PTPN14: variants seen among roughly 807,000 people sequenced by gnomAD.
The protein encoded by PTPN14 is tyrosine-protein phosphatase non-receptor type 14.
Under a neutral mutation model 126.8 loss-of-function variants are expected in PTPN14, and 53 were observed. The ratio of observed to expected loss-of-function variants is 0.42; its 90% CI spans 0.34 to 0.53. The LOEUF is 0.53. Among genes scored for constraint, PTPN14 ranks in the 20% least tolerant of loss-of-function variants. The pLI is 0.08. For missense variants in PTPN14, 1,257 were observed against 1,552.9 expected, an observed-to-expected ratio of 0.81 and a Z score of 3.20; for synonymous variants, 630 against 599.3, an observed-to-expected ratio of 1.05 and a Z score of -0.75.
intron 2 of PTPN14, among the ~76,000 whole-genome samples, chr1:214,462,202 C>G (rs1660528778): frequency 6.6e-6 from 1 of 152,162 alleles, no homozygotes; most frequent in Non-Finnish European, 1.5e-5. Flanking sequence ...ACAAACCCCA[C>G]CTCAGCAATG....
chr1:214,490,848 AGGAAG>A (rs1397442955), intron 1 of PTPN14, among the ~76,000 whole-genome samples: 2 of 32,650 alleles, frequency 6.1e-5, no homozygotes, highest in African/African-American at 1.3e-4. Flanking sequence ...AGGAAAGGAA[AGGAAG>A]GGAAGGGAGG....
At chr1:214,438,052 A>C (rs1013684445) in intron 3 of PTPN14, among the ~76,000 whole-genome samples, 3 of 152,204 alleles carry the variant, frequency 2.0e-5, no homozygotes, top group African/African-American at 7.2e-5. Context: ...CCAATGTCTT[A>C]TTTTTATTTT....
chr1:214,360,468 T>G (rs1439253751), intron 18 of PTPN14, among the ~76,000 whole-genome samples: 1 of 152,228 alleles, frequency 6.6e-6, no homozygotes, highest in Non-Finnish European at 1.5e-5. Context: ...CAGTAACAAG[T>G]AGGTCTCTGC....
intron 1 of PTPN14, among the ~76,000 whole-genome samples, chr1:214,474,964 A>T (rs1440431673): frequency 6.6e-6 from 1 of 152,194 alleles, no homozygotes; most frequent in Non-Finnish European, 1.5e-5. Flanking sequence ...CATCTTGAAT[A>T]CTTATGGATA....
At position 214,414,736 on chromosome 1, in the gene PTPN14, G is replaced by A; in HGVS notation, c.345-10C>T. 6.3e-7 allele frequency: 1 copy of A among 1,592,544 alleles called. No homozygotes were observed. The highest frequency in any genetic ancestry group is 1.1e-5 in the South Asian group (1 of 90,670). ...CAGGTAATACTGATATCTGTTCATG[G>A]GAATAGAGGAACAAACAACCTTAAA... On this transcript the variant is annotated splice_polypyrimidine_tract_variant and intron_variant, in intron 3 of 18. Transcript: ENST00000366956.
At chr1:214,457,685 A>G (rs1660413451) in intron 2 of PTPN14, among the ~76,000 whole-genome samples, 1 of 152,220 alleles carries the variant, frequency 6.6e-6, no homozygotes, top group South Asian at 2.1e-4. Context: ...TAGAAGCCAC[A>G]TTGATTTAAA....
intron 7 of PTPN14, 96 bp downstream of exon 7, chr1:214,401,589 G>T: frequency 9.2e-7 from 1 of 1,081,542 alleles, no homozygotes; most frequent in Non-Finnish European, 1.3e-6. Context: ...CAAAAAGAAG[G>T]CCAAGCCATT....
At chr1:214,370,477 A>G (rs531513352) in intron 16 of PTPN14, among the ~76,000 whole-genome samples, 5 of 152,168 alleles carry the variant, frequency 3.3e-5, no homozygotes, top group Non-Finnish European at 7.4e-5. Flanking sequence ...CAATCGCTGT[A>G]GGTCACGTTA....
intron 8 of PTPN14, among the ~76,000 whole-genome samples, chr1:214,397,203 C>T (rs996650116): frequency 7.2e-5 from 11 of 152,178 alleles, no homozygotes; most frequent in Non-Finnish European, 1.3e-4. Flanking sequence ...TGCTTGCCTC[C>T]AAGAGCTATC....
chr1:214,548,784 A>T (rs1015994578), intron 1 of PTPN14, among the ~76,000 whole-genome samples: 1 of 152,220 alleles, frequency 6.6e-6, no homozygotes, highest in African/African-American at 2.4e-5. Context: ...GTTCAGGGCA[A>T]ATAAGAATTA....
chr1:214,391,715 A>AAC (rs1553261395), intron 10 of PTPN14, among the ~76,000 whole-genome samples: 2 of 151,424 alleles, frequency 1.3e-5, no homozygotes, highest in East Asian at 1.9e-4. Flanking sequence ...AAAAAAAAAA[A>AAC]AAAAACCCAG....
At chr1:214,382,371 G>C (rs770191593) in intron 13 of PTPN14, among the ~76,000 whole-genome samples, 1 of 152,146 alleles carries the variant, frequency 6.6e-6, no homozygotes. Context: ...ATCCAGGCTG[G>C]AGTGCAGTGG....
chr1:214,467,593 G>GT (rs1443208468), intron 1 of PTPN14, among the ~76,000 whole-genome samples: 1 of 152,014 alleles, frequency 6.6e-6, no homozygotes, highest in Non-Finnish European at 1.5e-5. Flanking sequence ...AGGAAAGAAT[G>GT]TAAGTTTGGC....
At position 214,356,229 on chromosome 1, in the gene PTPN14, G is replaced by A. The variant is rs2102498094; in HGVS notation, c.*1693C>T. 6.6e-6 allele frequency: 1 copy of A among 152,384 alleles called. No homozygotes were observed. Among genetic ancestry groups the A allele is most frequent in the South Asian group, 2.1e-4 (1 of 4,814 alleles). 9.4% of individuals were successfully genotyped at this position (152,384 alleles called of 1,614,324 possible). Reference sequence around the variant, plus strand: ...CCGCCTTGGCCTTTCAAAGTGCTGGGATTACAGGTGTGAACCACCGTGCCT... The same window carrying A: ...CCGCCTTGGCCTTTCAAAGTGCTGGAATTACAGGTGTGAACCACCGTGCCT... On this transcript the variant is annotated 3_prime_UTR_variant, in exon 19 of 19. Coordinates refer to ENST00000366956, the MANE Select transcript of PTPN14 (RefSeq NM_005401.5).
intron 16 of PTPN14, among the ~76,000 whole-genome samples, chr1:214,371,647 C>T (rs1658221620): frequency 6.6e-6 from 1 of 152,116 alleles, no homozygotes; most frequent in Non-Finnish European, 1.5e-5. Flanking sequence ...AGATGGTATG[C>T]TGTATTTAGG....
intron 8 of PTPN14, among the ~76,000 whole-genome samples, chr1:214,397,222 T>C (rs1487949189): frequency 2.0e-5 from 3 of 152,206 alleles, no homozygotes; most frequent in Non-Finnish European, 4.4e-5. Context: ...TCTTTGATAG[T>C]GTGCCCTGGA....
chr1:214,545,584 A>G (rs556820601), intron 1 of PTPN14, among the ~76,000 whole-genome samples: 20 of 152,340 alleles, frequency 1.3e-4, no homozygotes, highest in African/African-American at 4.6e-4. Context: ...CAATCTCAAG[A>G]GGCCAGTAAG....
chr1:214,502,327 C>G (rs1200853125), intron 1 of PTPN14, among the ~76,000 whole-genome samples: 1 of 152,084 alleles, frequency 6.6e-6, no homozygotes, highest in Admixed American at 6.6e-5. Flanking sequence ...AGAGAGAGAT[C>G]TGTGTTCAAC....
chr1:214,365,235 G>A (rs1387965888), intron 17 of PTPN14, among the ~76,000 whole-genome samples: 2 of 152,124 alleles, frequency 1.3e-5, no homozygotes, highest in South Asian at 2.1e-4. Flanking sequence ...TGGATTCCAC[G>A]GGGCTATGTG....
Sources: gnomAD v4.1 joint callset for allele counts (sites outside exome capture counted in the v4.1 genomes callset) on GRCh38, gnomAD v4.1.1 for gene constraint, MANE v1.5 for transcripts, NCBI Gene and HGNC (gene_info 2026-07-23, HGNC 2026-07-21) for gene names.